The following SAMMSON variants were observed in gnomAD, a reference collection of about 807,000 sequenced individuals.
SAMMSON encodes the protein long intergenic non-protein coding RNA 1212.
In SAMMSON at chr3:70,417,869, T is replaced by C. The variant is rs1014112066; in HGVS notation, n.234-44691T>C. On this transcript the variant is annotated intron_variant and non_coding_transcript_variant, in intron 2 of 3. Transcript: ENST00000641053. Reference sequence around the variant, plus strand: ...GGCTGGGTCTTATGCCCCTTCTTTATATTGCAAGTCCTGAAAGGCATGTGG... The same window carrying C: ...GGCTGGGTCTTATGCCCCTTCTTTACATTGCAAGTCCTGAAAGGCATGTGG... Among the ~76,000 whole-genome samples, 5 of 152,284 alleles carry C rather than the reference T, an allele frequency of 3.3e-5. No individual in the cohort carries two copies. The South Asian group carries it at 1.0e-3, about 32-fold the overall frequency.
chr3:70,015,832 T>G (rs2066982375), intron 3 of SAMMSON, among the ~76,000 whole-genome samples: 1 of 152,116 alleles, frequency 6.6e-6, no homozygotes, highest in African/African-American at 2.4e-5. Flanking sequence ...TTTGTTCTTG[T>G]GATAGTTTGC....
intron 2 of SAMMSON, among the ~76,000 whole-genome samples, chr3:70,429,494 T>C (rs987360458): frequency 2.0e-5 from 3 of 152,182 alleles, no homozygotes; most frequent in African/African-American, 7.2e-5. Context: ...TTTTTTCTAA[T>C]TCTATGAAGA....
chr3:70,265,787 G>T (rs1464774843), intron 6 of SAMMSON, among the ~76,000 whole-genome samples: 1 of 152,184 alleles, frequency 6.6e-6, no homozygotes, highest in African/African-American at 2.4e-5. Context: ...TTATAATCAT[G>T]ATGGGAGGCA....
intron 2 of SAMMSON, among the ~76,000 whole-genome samples, chr3:70,404,210 T>C (rs1701162276): frequency 6.6e-6 from 1 of 152,086 alleles, no homozygotes; most frequent in South Asian, 2.1e-4. Flanking sequence ...GATATGCATA[T>C]CATTAGCATC....
At chr3:70,195,315 G>A (rs1576150487) in intron 4 of SAMMSON, among the ~76,000 whole-genome samples, 1 of 152,086 alleles carries the variant, frequency 6.6e-6, no homozygotes, top group African/African-American at 2.4e-5. Flanking sequence ...GAAGGTGTGG[G>A]GCACTTTCAT....
intron 4 of SAMMSON, among the ~76,000 whole-genome samples, chr3:70,107,584 T>C (rs947697459): frequency 6.8e-6 from 1 of 147,878 alleles, no homozygotes; most frequent in African/African-American, 2.5e-5. Context: ...AGTTCTACTT[T>C]CCGAATTTCT....
At chr3:70,093,361 C>A (rs1281688234) in intron 4 of SAMMSON, among the ~76,000 whole-genome samples, 1 of 152,134 alleles carries the variant, frequency 6.6e-6, no homozygotes, top group Non-Finnish European at 1.5e-5. Flanking sequence ...TAAACAAGAG[C>A]TGCAGAAATG....
intron 8 of SAMMSON, among the ~76,000 whole-genome samples, chr3:70,357,243 A>T (rs993601870): frequency 6.6e-6 from 1 of 152,144 alleles, no homozygotes; most frequent in South Asian, 2.1e-4. Context: ...TTTCCTGATT[A>T]TGTAAAGGAA....
At chr3:70,004,809 A>C (rs1460037028) in intron 1 of SAMMSON, among the ~76,000 whole-genome samples, 1 of 152,210 alleles carries the variant, frequency 6.6e-6, no homozygotes, top group Non-Finnish European at 1.5e-5. Context: ...GTTATCTATT[A>C]TCCATCCTTG....
chr3:70,266,124 T>C (rs1300971690), intron 6 of SAMMSON, among the ~76,000 whole-genome samples: 1 of 152,242 alleles, frequency 6.6e-6, no homozygotes, highest in African/African-American at 2.4e-5. Context: ...TTGGCTATTA[T>C]ATCTTTTTCT....
chr3:70,431,331 G>T (rs1701410886), intron 2 of SAMMSON, among the ~76,000 whole-genome samples: 1 of 151,962 alleles, frequency 6.6e-6, no homozygotes, highest in African/African-American at 2.4e-5. Context: ...GGGTGAAAAA[G>T]AAATCTGTGA....
chr3:70,070,698 T>C (rs1199619410), intron 3 of SAMMSON, among the ~76,000 whole-genome samples: 1 of 152,066 alleles, frequency 6.6e-6, no homozygotes, highest in Non-Finnish European at 1.5e-5. Context: ...TTTTTAAACA[T>C]TTACAGATGG....
chr3:70,337,143 T>G, intron 7 of SAMMSON, among the ~76,000 whole-genome samples: 1 of 50,606 alleles, frequency 2.0e-5, no homozygotes, highest in Non-Finnish European at 4.7e-5. Flanking sequence ...AACTTAATAT[T>G]ATTATTAATA....
chr3:70,213,578 C>T (rs1701371246), intron 4 of SAMMSON, among the ~76,000 whole-genome samples: 1 of 151,992 alleles, frequency 6.6e-6, no homozygotes, highest in Admixed American at 6.6e-5. Context: ...TATAAGCTAC[C>T]AAACCATTAA....
At chr3:70,267,581 T>TG (rs1374663277) in intron 6 of SAMMSON, among the ~76,000 whole-genome samples, 3 of 146,494 alleles carry the variant, frequency 2.0e-5, no homozygotes, top group African/African-American at 5.0e-5. Flanking sequence ...TTTTTGTATT[T>TG]TTTTTTTTTT....
chr3:70,020,074 C>G (rs531677367), intron 3 of SAMMSON, among the ~76,000 whole-genome samples: 2 of 152,252 alleles, frequency 1.3e-5, no homozygotes, highest in East Asian at 1.9e-4. Context: ...TAAAAATGCT[C>G]TTGTGCATCA....
intron 4 of SAMMSON, among the ~76,000 whole-genome samples, chr3:70,219,741 CAG>C (rs1701445467): frequency 6.6e-6 from 1 of 152,056 alleles, no homozygotes; most frequent in Non-Finnish European, 1.5e-5. Context: ...ATTAGTAACA[CAG>C]AGATTAAGAG....
At chr3:70,374,622 G>A (rs900204552) in intron 9 of SAMMSON, among the ~76,000 whole-genome samples, 1 of 152,044 alleles carries the variant, frequency 6.6e-6, no homozygotes, top group African/African-American at 2.4e-5. Context: ...ATCTCCATGT[G>A]GCCTCCACTG....
At chr3:70,118,338 G>A (rs868632415) in intron 4 of SAMMSON, among the ~76,000 whole-genome samples, 2 of 152,290 alleles carry the variant, frequency 1.3e-5, no homozygotes, top group Middle Eastern at 3.4e-3. Flanking sequence ...TTTCTCCATT[G>A]TTGTTACATT....
Sources: allele counts gnomAD v4.1 joint callset (sites outside exome capture counted in the v4.1 genomes callset), GRCh38; gene constraint gnomAD v4.1.1; transcripts MANE v1.5; gene names NCBI Gene and HGNC (gene_info 2026-07-23, HGNC 2026-07-21).